The following MMEL1 variants were observed in gnomAD, a reference collection of about 807,000 sequenced individuals.
MMEL1 encodes the protein membrane metallo-endopeptidase-like 1.
In MMEL1, 98 loss-of-function variants were observed where a neutral mutation model predicts 117.1. The observed-to-expected ratio is 0.84, with a 90% CI of 0.71 to 0.99. The LOEUF (loss-of-function observed/expected upper bound fraction) is 0.99. Among genes scored for constraint, MMEL1 ranks in the 50% least tolerant of loss-of-function variants. MMEL1 has a pLI of 0.00. For missense variants in MMEL1, 1,014 were observed against 1,049.1 expected, an observed-to-expected ratio of 0.97 and a Z score of 0.46; for synonymous variants, 390 against 415.1, an observed-to-expected ratio of 0.94 and a Z score of 0.74.
At chr1:2,602,665 A>G (rs569662652) in intron 11 of MMEL1, among the ~76,000 whole-genome samples, 1 of 152,220 alleles carries the variant, frequency 6.6e-6, no homozygotes, top group East Asian at 1.9e-4. Flanking sequence ...GCAGAGTCTG[A>G]GACTTTCAAG....
intron 2 of MMEL1, among the ~76,000 whole-genome samples, chr1:2,624,908 G>A (rs914299924): frequency 1.3e-5 from 2 of 152,192 alleles, no homozygotes; most frequent in Non-Finnish European, 1.5e-5. Context: ...ACGCAAGCAC[G>A]TCTCACCATG....
At chr1:2,619,450 G>C (rs1645255643) in intron 2 of MMEL1, among the ~76,000 whole-genome samples, 1 of 152,116 alleles carries the variant, frequency 6.6e-6, no homozygotes, top group African/African-American at 2.4e-5. Context: ...TTGAGGTCAG[G>C]AGTTTGAGAC....
intron 9 of MMEL1, 131 bp from the exon 10 acceptor site, chr1:2,604,412 A>G (rs1644988373): frequency 7.7e-7 from 1 of 1,306,808 alleles, no homozygotes; most frequent in Non-Finnish European, 1.1e-6. Flanking sequence ...CTTGACCAGC[A>G]GGCTCTCGGG....
chr1:2,600,768 C>T (rs1317414758), intron 11 of MMEL1, among the ~76,000 whole-genome samples: 1 of 152,094 alleles, frequency 6.6e-6, no homozygotes, highest in Non-Finnish European at 1.5e-5. Flanking sequence ...AAATAAATAA[C>T]CAGAACTAAT....
In MMEL1 at chr1:2,609,692, G is replaced by T; in HGVS notation, c.432C>A (p.Asp144Glu). ...SRYSIFDVLR[D>E]ELEVILKAVL... The stretch of plus-strand genomic sequence containing the variant: ...CACCTTTGAGGATGACCTCCAGCTC[G>T]TCGCGGAGGACGTCAAAGATGCTGT... The change falls in exon 5 of 24, where the codon GAC becomes GAA. Residue 144 changes from aspartate (D) to glutamate (E), a missense_variant. Asp to Glu is a conservative substitution (Grantham distance 45, BLOSUM62 2). Transcript: ENST00000378412. 1.2e-6 allele frequency: 2 copies of T among 1,612,170 alleles called. No individual in the cohort carries two copies. Among genetic ancestry groups the T allele is most frequent in the South Asian group, 2.2e-5 (2 of 90,856 alleles).
rs200855969 is a variant in MMEL1 at position 2,629,438 on chromosome 1, C to G, written c.47G>C (p.Arg16Pro). 2.6e-6 allele frequency: 4 copies of G among 1,544,184 alleles called. No homozygotes were observed. The Admixed American group carries it at 5.9e-5, about 23-fold the overall frequency. ...GPVGMVESAG[R>P]AGQKRPGFLE... The stretch of plus-strand genomic sequence containing the variant: ...GAACCCCGGGCGCTTCTGCCCTGCA[C>G]GGCCGGCGCTCTCCACCATCCCCAC... Residue 16 changes from arginine to proline, a missense_variant, in exon 2 of 24, where the codon CGT (arginine) becomes CCT (proline). Transcript: ENST00000378412.
At chr1:2,594,520 C>G (rs990894553) in intron 17 of MMEL1, 77 bp from the exon 18 acceptor site, 2 of 1,489,144 alleles carry the variant, frequency 1.3e-6, no homozygotes, top group Admixed American at 3.9e-5. Context: ...CTTGATGGAC[C>G]AGGGCCTACC....
chr1:2,629,071 T>TGCA (rs1638410819), intron 2 of MMEL1, among the ~76,000 whole-genome samples: 1 of 151,576 alleles, frequency 6.6e-6, no homozygotes, highest in Non-Finnish European at 1.5e-5. Context: ...GGTGCGGAGC[T>TGCA]GCAGAAGCAG....
At position 2,616,910 on chromosome 1, in the gene MMEL1, C is replaced by G. The variant is rs78479814; in HGVS notation, c.155-4706G>C. Among the ~76,000 whole-genome samples the G allele has an allele frequency of 3.2e-3, 484 of 152,372 alleles. 1 individual carries two copies. The highest frequency in any genetic ancestry group is 0.011 in the African/African-American group (455 of 41,588). ...GATGGGGGAAACCCCCAAGGAAATTCACCAGATGCTGCAGATCAAGGGCTG... is the reference window on the plus strand; with the variant it reads ...GATGGGGGAAACCCCCAAGGAAATTGACCAGATGCTGCAGATCAAGGGCTG... On this transcript the variant is annotated intron_variant, in intron 2 of 23. Transcript: ENST00000378412.
chr1:2,598,694 G>C lies in MMEL1; in HGVS notation c.1138C>G (p.Leu380Val), dbSNP rs138408636. The C allele has an allele frequency of 6.2e-7, 1 of 1,614,138 alleles. No individual in the cohort carries two copies. Residue 380 changes from leucine (L) to valine (V), a missense_variant, in exon 12 of 24, where the codon CTG becomes GTG. Coordinates refer to ENST00000378412, the MANE Select transcript of MMEL1 (RefSeq NM_033467.4). ...TCGATGATGTTTTCAAGGTTCTGCAGGTAGGGGATGCCATAGACCACCACT... is the reference window on the plus strand; with the variant it reads ...TCGATGATGTTTTCAAGGTTCTGCACGTAGGGGATGCCATAGACCACCACT... ...EEVVVYGIPY[L>V]QNLENIIDTY...
chr1:2,609,896 GC>G, intron 4 of MMEL1, 65 bp from the exon 5 acceptor site: 1 of 1,525,336 alleles, frequency 6.6e-7, no homozygotes, highest in Admixed American at 2.0e-5. Flanking sequence ...CAGCCCAGAA[GC>G]CTGTCTCCCG....
At chr1:2,618,076 T>C (rs928564606) in intron 2 of MMEL1, among the ~76,000 whole-genome samples, 2 of 152,272 alleles carry the variant, frequency 1.3e-5, no homozygotes, top group African/African-American at 4.8e-5. Flanking sequence ...TGCCTTGATT[T>C]GAATAAGACC....
chr1:2,628,764 C>G (rs554299253), intron 2 of MMEL1, among the ~76,000 whole-genome samples: 5 of 152,124 alleles, frequency 3.3e-5, no homozygotes, highest in Non-Finnish European at 5.9e-5. Context: ...GCAGCCCTGG[C>G]CACGCCTTTG....
chr1:2,604,762 C>T (rs1008581521), intron 9 of MMEL1, among the ~76,000 whole-genome samples: 7 of 152,132 alleles, frequency 4.6e-5, no homozygotes, highest in East Asian at 1.9e-4. Flanking sequence ...GCCTTCCTCG[C>T]GCTGGGCAGG....
intron 4 of MMEL1, among the ~76,000 whole-genome samples, chr1:2,610,728 C>T (rs1289701081): frequency 6.6e-6 from 1 of 152,220 alleles, no homozygotes; most frequent in African/African-American, 2.4e-5. Context: ...GGCTGCACCC[C>T]CCGACCAAGA....
intron 2 of MMEL1, among the ~76,000 whole-genome samples, chr1:2,613,494 T>C (rs1316654197): frequency 6.6e-6 from 1 of 151,954 alleles, no homozygotes. Flanking sequence ...AAAGTTGAAA[T>C]TGACTGTGGC....
At chr1:2,605,279 G>T (rs554938743) in intron 9 of MMEL1, among the ~76,000 whole-genome samples, 2 of 152,336 alleles carry the variant, frequency 1.3e-5, no homozygotes, top group East Asian at 3.9e-4. Flanking sequence ...GCCTGGGTCT[G>T]TACTGACGGG....
chr1:2,603,707 G>A (rs550707144), intron 11 of MMEL1, among the ~76,000 whole-genome samples, 177 bp downstream of exon 11: 3 of 152,322 alleles, frequency 2.0e-5, no homozygotes, highest in African/African-American at 4.8e-5. Flanking sequence ...ATTAGTAATC[G>A]TGCTGGTGCT....
intron 2 of MMEL1, among the ~76,000 whole-genome samples, chr1:2,623,582 A>G (rs1360648284): frequency 6.6e-6 from 1 of 152,234 alleles, no homozygotes; most frequent in Non-Finnish European, 1.5e-5. Context: ...GAAATCAGCT[A>G]AAATTTTTCA....
Sources: gnomAD v4.1 joint callset for allele counts (sites outside exome capture counted in the v4.1 genomes callset) on GRCh38, gnomAD v4.1.1 for gene constraint, MANE v1.5 for transcripts, NCBI Gene and HGNC (gene_info 2026-07-23, HGNC 2026-07-21) for gene names.